Variants in EPHA3 observed in about 807,000 individuals in gnomAD.
EPHA3 encodes ephrin type-A receptor 3.
Under a neutral mutation model 107.1 loss-of-function variants are expected in EPHA3, and 42 were observed. The ratio of observed to expected loss-of-function variants is 0.39; its 90% CI spans 0.31 to 0.51. The LOEUF is 0.51. EPHA3 is among the 20% of genes least tolerant of loss of function. The pLI is 0.78. For synonymous variants in EPHA3, 461 were observed against 424.8 expected (o/e 1.09, Z -1.05); for missense variants, 1,183 against 1,211.2 (o/e 0.98, Z 0.35).
At chr3:89,215,649 A>G (rs558096284) in intron 3 of EPHA3, among the ~76,000 whole-genome samples, 3 of 152,036 alleles carry the variant, frequency 2.0e-5, no homozygotes, top group African/African-American at 7.2e-5. Context: ...TCAGCAATGA[A>G]CCACTATAAC....
At position 89,369,598 on chromosome 3, in the gene EPHA3, A is replaced by G. The variant is rs547812108; in HGVS notation, c.1307-26239A>G. 5.2e-4 allele frequency among the ~76,000 whole-genome samples: 78 copies of G among 150,062 alleles called. 7 individuals are homozygous for G. Among genetic ancestry groups the G allele is most frequent in the African/African-American group, 1.8e-3 (75 of 40,630 alleles). On this transcript the variant is annotated intron_variant, in intron 5 of 16. Coordinates refer to ENST00000336596, the MANE Select transcript of EPHA3 (RefSeq NM_005233.6). ...TACCATTCAGGACATAGGCATGGGCAAGGACTTCATGTCTAAATCACCAAA... is the reference window on the plus strand; with the variant it reads ...TACCATTCAGGACATAGGCATGGGCGAGGACTTCATGTCTAAATCACCAAA...
At chr3:89,226,336 G>A (rs181018330) in intron 3 of EPHA3, among the ~76,000 whole-genome samples, 2 of 152,166 alleles carry the variant, frequency 1.3e-5, no homozygotes, top group Admixed American at 1.3e-4. Flanking sequence ...TTCAACACAG[G>A]TCCTGGCACC....
At chr3:89,249,025 C>G (rs1170148643) in intron 3 of EPHA3, among the ~76,000 whole-genome samples, 1 of 152,152 alleles carries the variant, frequency 6.6e-6, no homozygotes, top group Non-Finnish European at 1.5e-5. Context: ...TCTCCTTTTC[C>G]CAGTATCCCT....
At chr3:89,316,607 C>T (rs1314488869) in intron 3 of EPHA3, among the ~76,000 whole-genome samples, 3 of 146,494 alleles carry the variant, frequency 2.0e-5, no homozygotes, top group Admixed American at 7.0e-5. Context: ...TTCTCTTTTA[C>T]TGTTGTAGAT....
chr3:89,288,456 A>G (rs1706140494), intron 3 of EPHA3, among the ~76,000 whole-genome samples: 1 of 152,114 alleles, frequency 6.6e-6, no homozygotes, highest in South Asian at 2.1e-4. Flanking sequence ...CTGTATATCT[A>G]TTTTAAGGTG....
chr3:89,127,235 C>A lies in EPHA3; in HGVS notation c.115C>A (p.Gln39Lys), dbSNP rs760801471. ...EVNLLDSKTIQGELGWISYPS... is the reference protein window; with the variant it reads ...EVNLLDSKTIKGELGWISYPS... ...CAATCTACTGGATTCAAAAACAATT[C>A]AAGGGGAGCTGGGCTGGATCTCTTA... The change falls in exon 2 of 17, where the codon CAA becomes AAA. Residue 39 changes from glutamine (Q) to lysine (K), a missense_variant. Gln to Lys is a moderately conservative substitution (Grantham distance 53). Coordinates refer to ENST00000336596, the MANE Select transcript of EPHA3 (RefSeq NM_005233.6). 6.2e-7 allele frequency: 1 copy of A among 1,612,150 alleles called. No homozygotes were observed. Among genetic ancestry groups the A allele is most frequent in the South Asian group, 1.1e-5 (1 of 90,964 alleles).
At chr3:89,154,111 T>C (rs1401502355) in intron 2 of EPHA3, among the ~76,000 whole-genome samples, 5 of 151,986 alleles carry the variant, frequency 3.3e-5, no homozygotes, top group African/African-American at 1.2e-4. Context: ...CACTCTATTT[T>C]AAATTGCATT....
chr3:89,363,039 TA>T (rs1326588466), intron 5 of EPHA3, among the ~76,000 whole-genome samples: 13 of 151,078 alleles, frequency 8.6e-5, no homozygotes, highest in African/African-American at 2.9e-4. Flanking sequence ...TCATCTTATA[TA>T]AAGCTAGGTA....
intron 3 of EPHA3, among the ~76,000 whole-genome samples, chr3:89,319,268 A>G (rs1395601197): frequency 1.3e-5 from 2 of 151,990 alleles, no homozygotes; most frequent in Non-Finnish European, 2.9e-5. Context: ...GACTTATATC[A>G]TGCCATGACA....
chr3:89,194,969 T>A (rs1273213931), intron 2 of EPHA3, among the ~76,000 whole-genome samples: 1 of 152,110 alleles, frequency 6.6e-6, no homozygotes, highest in Non-Finnish European at 1.5e-5. Context: ...CAGCTCATAG[T>A]TCTCTTCCTA....
At chr3:89,233,486 G>A (rs1056253844) in intron 3 of EPHA3, among the ~76,000 whole-genome samples, 15 of 152,142 alleles carry the variant, frequency 9.9e-5, no homozygotes, top group African/African-American at 3.1e-4. Context: ...TGTTTTCATT[G>A]TTATTGTTGT....
rs757504386 is a variant in EPHA3, at chr3:89,413,193, T to A, written c.1815T>A (p.Pro605=). 11 of 1,611,904 alleles carry A rather than the reference T, an allele frequency of 6.8e-6. No individual in the cohort carries two copies. In the South Asian group the frequency reaches 1.2e-4, roughly 18 times the overall value. ...TTGACCCACATACATATGAAGACCC[T>A]ACCCAAGCTGTTCATGAGTTTGCCA... ...TYVDPHTYED[P]TQAVHEFAKE... Residue 605 remains proline, a synonymous_variant, in exon 10 of 17, where the codon CCT becomes CCA. Transcript: ENST00000336596.
intron 3 of EPHA3, among the ~76,000 whole-genome samples, chr3:89,233,079 A>G (rs1287758690): frequency 6.6e-6 from 1 of 152,192 alleles, no homozygotes; most frequent in East Asian, 1.9e-4. Flanking sequence ...ATGTCTAAAT[A>G]CTTACGTTAC....
At chr3:89,381,710 T>A (rs1303412455) in intron 5 of EPHA3, among the ~76,000 whole-genome samples, 2 of 151,992 alleles carry the variant, frequency 1.3e-5, no homozygotes, top group African/African-American at 4.8e-5. Context: ...CTTGGAAAGA[T>A]GATGATTAGG....
At chr3:89,362,869 G>C (rs931345754) in intron 5 of EPHA3, among the ~76,000 whole-genome samples, 1 of 150,846 alleles carries the variant, frequency 6.6e-6, no homozygotes, top group African/African-American at 2.4e-5. Flanking sequence ...CATTGACCAA[G>C]GTTATATTTA....
At chr3:89,466,410 G>T (rs1710275728) in intron 15 of EPHA3, among the ~76,000 whole-genome samples, 1 of 112,608 alleles carries the variant, frequency 8.9e-6, no homozygotes, top group Non-Finnish European at 1.9e-5. Flanking sequence ...CTGGGCAATG[G>T]CGGGCGCCCC....
At chr3:89,376,644 T>C (rs2107478440) in intron 5 of EPHA3, among the ~76,000 whole-genome samples, 1 of 152,166 alleles carries the variant, frequency 6.6e-6, no homozygotes, top group South Asian at 2.1e-4. Flanking sequence ...AAGTCTCCTC[T>C]ATACTGCATG....
intron 3 of EPHA3, among the ~76,000 whole-genome samples, chr3:89,340,256 C>A (rs564457794): frequency 6.6e-6 from 1 of 152,150 alleles, no homozygotes; most frequent in East Asian, 1.9e-4. Flanking sequence ...AGTAACAGTT[C>A]ATAAGTGTAT....
chr3:89,219,933 C>T (rs1704329710), intron 3 of EPHA3, among the ~76,000 whole-genome samples: 1 of 150,602 alleles, frequency 6.6e-6, no homozygotes, highest in Non-Finnish European at 1.5e-5. Flanking sequence ...TGGTCTCGAT[C>T]TCCTGACCTC....
Sources: allele counts gnomAD v4.1 joint callset (sites outside exome capture counted in the v4.1 genomes callset), GRCh38; gene constraint gnomAD v4.1.1; transcripts MANE v1.5; gene names NCBI Gene and HGNC (gene_info 2026-07-23, HGNC 2026-07-21).